GNGT1: variants seen among roughly 807,000 people sequenced by gnomAD.
GNGT1 encodes G protein subunit gamma transducin 1, also known as guanine nucleotide-binding protein G(T) subunit gamma-T1.
GNGT1 carries 4 observed loss-of-function variants against 7.4 expected under a neutral mutation model. The ratio of observed to expected loss-of-function variants is 0.54; its 90% confidence interval spans 0.27 to 1.24. The LOEUF (loss-of-function observed/expected upper bound fraction) is 1.24. Among genes scored for constraint, GNGT1 ranks in the 50% most tolerant of loss-of-function variants. The pLI is 0.12. For missense variants in GNGT1, 95 were observed against 82.4 expected (o/e 1.15, Z -0.59); for synonymous variants, 37 against 30.2 (o/e 1.23, Z -0.74).
At chr7:93,907,210 A>C (rs764606471) in intron 2 of GNGT1, among the ~76,000 whole-genome samples, 1 of 152,090 alleles carries the variant, frequency 6.6e-6, no homozygotes, top group Admixed American at 6.6e-5. Context: ...AAAGAAAAGA[A>C]AAAGAGAAAA....
At chr7:93,910,059 G>GA (rs1271529135) in intron 2 of GNGT1, 1 of 152,174 alleles carries the variant, frequency 6.6e-6, no homozygotes, top group Non-Finnish European at 1.5e-5. Context: ...TCTCTACAAG[G>GA]AATGTTAAGT....
chr7:93,907,213 A>G (rs1454016422), intron 2 of GNGT1, among the ~76,000 whole-genome samples: 1 of 152,106 alleles, frequency 6.6e-6, no homozygotes, highest in East Asian at 1.9e-4. Flanking sequence ...GAAAAGAAAA[A>G]GAGAAAAAGG....
At chr7:93,906,969 A>AT in intron 2 of GNGT1, 127 bp downstream of exon 2, 1 of 535,236 alleles carries the variant, frequency 1.9e-6, no homozygotes, top group Non-Finnish European at 3.2e-6. Flanking sequence ...AAATTTATCA[A>AT]AGATTAAGAA....
In GNGT1 at chr7:93,910,827, A is replaced by G. The variant is rs146833932; in HGVS notation, c.134A>G (p.Glu45Gly). 6 of 1,606,702 alleles carry G rather than the reference A, an allele frequency of 3.7e-6. No homozygotes were observed. Among genetic ancestry groups the G allele is most frequent in the Non-Finnish European group, 5.1e-6 (6 of 1,175,134 alleles). The change falls in exon 3 of 3, where the codon GAA becomes GGA. Residue 45 changes from glutamate to glycine, a missense_variant. Physicochemically the swap from Glu to Gly is moderately conservative, Grantham distance 98. Coordinates refer to ENST00000248572, the MANE Select transcript of GNGT1 (RefSeq NM_021955.5). ...KCCEEVRDYV[E>G]ERSGEDPLVK... ...TGTGAAGAAGTAAGAGATTACGTTGAAGAACGATCTGGCGAGGATCCACTG... is the reference window on the plus strand; with the variant it reads ...TGTGAAGAAGTAAGAGATTACGTTGGAGAACGATCTGGCGAGGATCCACTG...
intron 2 of GNGT1, 147 bp downstream of exon 2, chr7:93,906,989 TC>T: frequency 1.7e-5 from 1 of 57,180 alleles, no homozygotes; most frequent in Non-Finnish European, 3.5e-5. Context: ...AAATTGATAA[TC>T]AATCATAACT....
chr7:93,906,699 C>A (rs1320551612), intron 1 of GNGT1, 37 bp from the exon 2 acceptor site: 6 of 1,031,740 alleles, frequency 5.8e-6, no homozygotes, highest in South Asian at 1.4e-5. Flanking sequence ...ATAACTCCAG[C>A]AATTCATGCA....
intron 2 of GNGT1, 52 bp from the exon 3 acceptor site, chr7:93,910,737 TG>T: frequency 7.5e-7 from 1 of 1,325,728 alleles, no homozygotes; most frequent in Non-Finnish European, 1.0e-6. Context: ...TCCTGGCATC[TG>T]GAGTATTCTG....
rs1794459960 is a variant in GNGT1, at chr7:93,911,045, T to C, written c.*127T>C. On this transcript the variant is annotated 3_prime_UTR_variant, in exon 3 of 3. Coordinates refer to ENST00000248572, the MANE Select transcript of GNGT1 (RefSeq NM_021955.5). Reference sequence around the variant, plus strand: ...ACGTGAATTTTTAAATTTATAGATGTAAACTTTTAATAAAAATTGGGGTGT... The same window carrying C: ...ACGTGAATTTTTAAATTTATAGATGCAAACTTTTAATAAAAATTGGGGTGT... 5.6e-6 allele frequency: 3 copies of C among 535,520 alleles called. No homozygotes were observed. Among genetic ancestry groups the C allele is most frequent in the Non-Finnish European group, 9.0e-6 (3 of 331,966 alleles). The allele number at this position is 535,520 out of a possible 1,614,324, so 33.2% of individuals were successfully genotyped here.
intron 2 of GNGT1, chr7:93,910,582 G>A (rs939233863): frequency 1.6e-5 from 4 of 256,284 alleles, no homozygotes; most frequent in African/African-American, 6.7e-5. Flanking sequence ...GTGGCCAGCT[G>A]TTTTTCCTTT....
chr7:93,906,887 C>A, intron 2 of GNGT1, 45 bp downstream of exon 2: 2 of 1,060,280 alleles, frequency 1.9e-6, no homozygotes, highest in Non-Finnish European at 1.4e-6. Flanking sequence ...GCTAGAGATA[C>A]TGTGGGAGTA....
At chr7:93,910,077 T>C (rs2115898151) in intron 2 of GNGT1, 1 of 152,406 alleles carries the variant, frequency 6.6e-6, no homozygotes, top group Admixed American at 6.5e-5. Flanking sequence ...AGTGGTACCT[T>C]AACAGGCTAT....
At chr7:93,909,400 A>T in intron 2 of GNGT1, 1 of 668,756 alleles carries the variant, frequency 1.5e-6, no homozygotes, top group Non-Finnish European at 2.7e-6. Context: ...TATTTATATT[A>T]AGCATCACTG....
intron 2 of GNGT1, chr7:93,909,828 G>A (rs978043908): frequency 4.9e-5 from 10 of 205,250 alleles, no homozygotes; most frequent in Middle Eastern, 1.6e-3. Context: ...ACATAAAAGC[G>A]GACTAAAGAT....
rs771534540 is a variant in GNGT1, at chr7:93,910,853, G to T, written c.160G>T (p.Val54Leu). The change falls in exon 3 of 3, where the codon GTA becomes TTA. Residue 54 changes from valine to leucine, a missense_variant. By Grantham distance (32) the Val-to-Leu change is conservative. Transcript: ENST00000248572. ...VEERSGEDPL[V>L]KGIPEDKNPF... ...AGAACGATCTGGCGAGGATCCACTG[G>T]TAAAGGGCATCCCAGAGGACAAAAA... The T allele has an allele frequency of 1.9e-6, 3 of 1,607,612 alleles. No homozygotes were observed. The African/African-American group carries it at 4.0e-5, about 22-fold the overall frequency.
chr7:93,908,294 T>C (rs777367467), intron 2 of GNGT1, among the ~76,000 whole-genome samples: 1 of 152,066 alleles, frequency 6.6e-6, no homozygotes, highest in Non-Finnish European at 1.5e-5. Flanking sequence ...ACCCTCTTAG[T>C]CTCCTCAGGG....
At chr7:93,908,342 C>G (rs1311931958) in intron 2 of GNGT1, among the ~76,000 whole-genome samples, 1 of 151,892 alleles carries the variant, frequency 6.6e-6, no homozygotes, top group Non-Finnish European at 1.5e-5. Flanking sequence ...GACTTTTAAC[C>G]AACAGAAATG....
intron 2 of GNGT1, 78 bp from the exon 3 acceptor site, chr7:93,910,712 T>C (rs1177826477): frequency 6.0e-6 from 6 of 996,288 alleles, no homozygotes; most frequent in Non-Finnish European, 8.7e-6. Context: ...TGAAAATTTA[T>C]TGTAATAAAT....
chr7:93,906,870 A>G (rs1771396242), intron 2 of GNGT1, 28 bp downstream of exon 2: 1 of 1,335,386 alleles, frequency 7.5e-7, no homozygotes, highest in South Asian at 1.3e-5. Flanking sequence ...TTAGTATTTT[A>G]TTTTAAGCTA....
In GNGT1 at chr7:93,906,623, A is replaced by C. The variant is rs1461759101; in HGVS notation, c.-33A>C. On this transcript the variant is annotated 5_prime_UTR_variant, in exon 1 of 3. An upstream open reading frame in the 5' UTR loses its in-frame stop. Transcript: ENST00000248572. ...TTGGTTATCGTGGGATATTTAAAAT[A>C]AAACAAAGAACAGTTTACTTTGTAA... The C allele has an allele frequency of 4.5e-6, 3 of 671,920 alleles. No homozygotes were observed. In the African/African-American group the frequency reaches 5.7e-5, roughly 13 times the overall value. 41.6% of individuals were successfully genotyped at this position (671,920 alleles called of 1,614,324 possible). A position where few individuals can be genotyped will look rare whatever the true frequency, so the allele number is the denominator to read the frequency against.
Sources: allele counts gnomAD v4.1 joint callset (sites outside exome capture counted in the v4.1 genomes callset), GRCh38; gene constraint gnomAD v4.1.1; transcripts MANE v1.5; gene names NCBI Gene and HGNC (gene_info 2026-07-23, HGNC 2026-07-21).